The following LDLRAD3 variants were observed in gnomAD, a reference collection of about 807,000 sequenced individuals.
The protein encoded by LDLRAD3 is low-density lipoprotein receptor class A domain-containing protein 3.
LDLRAD3 carries 20 observed loss-of-function variants against 29.4 expected under a neutral mutation model. The observed-to-expected ratio is 0.68, with a 90% CI of 0.48 to 0.99. LDLRAD3 has a LOEUF of 0.99. Ranked by LOEUF, LDLRAD3 falls within the 50% of genes least tolerant of loss-of-function variation. The probability of loss-of-function intolerance (pLI) is 0.00; values close to 1 mark genes in which losing one functional copy is unlikely to be tolerated. For synonymous variants in LDLRAD3, 157 were observed against 192.7 expected (o/e 0.81, Z 1.53); for missense variants, 420 against 454.3 (o/e 0.92, Z 0.69).
intron 4 of LDLRAD3, among the ~76,000 whole-genome samples, chr11:36,136,585 C>T (rs529780267): frequency 5.2e-4 from 79 of 152,228 alleles, no homozygotes; most frequent in Non-Finnish European, 9.4e-4. Flanking sequence ...CATGCCTGCT[C>T]CTCCTTCACC....
intron 1 of LDLRAD3, among the ~76,000 whole-genome samples, chr11:35,995,165 A>G (rs1851738339): frequency 6.6e-6 from 1 of 152,238 alleles, no homozygotes; most frequent in African/African-American, 2.4e-5. Context: ...AATCAGTATC[A>G]ATGGCAGATA....
At chr11:36,054,980 TGG>T in intron 2 of LDLRAD3, among the ~76,000 whole-genome samples, 2 of 122,526 alleles carry the variant, frequency 1.6e-5, no homozygotes, top group Admixed American at 1.9e-4. Context: ...CATGGATGGA[TGG>T]ATGGATGGAT....
At chr11:36,193,166 C>T in intron 4 of LDLRAD3, among the ~76,000 whole-genome samples, 1 of 152,162 alleles carries the variant, frequency 6.6e-6, no homozygotes, top group East Asian at 1.9e-4. Flanking sequence ...GGGGGTAATG[C>T]TGCATCCTCG....
chr11:36,078,547 C>T (rs76414475), intron 2 of LDLRAD3, among the ~76,000 whole-genome samples: 24,047 of 152,184 alleles, frequency 0.16, 2,143 homozygotes, highest in East Asian at 0.35. Flanking sequence ...GTGCTGACAG[C>T]AGGGAGAGGC....
At chr11:35,975,937 C>T (rs1851469995) in intron 1 of LDLRAD3, among the ~76,000 whole-genome samples, 1 of 151,066 alleles carries the variant, frequency 6.6e-6, no homozygotes. Flanking sequence ...GTGAGTAGAG[C>T]ATTGTGTGCC....
At chr11:36,023,112 A>G (rs990218759) in intron 1 of LDLRAD3, among the ~76,000 whole-genome samples, 1 of 152,204 alleles carries the variant, frequency 6.6e-6, no homozygotes, top group African/African-American at 2.4e-5. Context: ...AAGAAAATTT[A>G]AAAAGACTCA....
At position 36,081,658 on chromosome 11, in the gene LDLRAD3, G is replaced by C. The variant is rs1294873680; in HGVS notation, c.199G>C (p.Ala67Pro). The C allele has an allele frequency of 6.2e-7, 1 of 1,614,222 alleles. No homozygotes were observed. Among genetic ancestry groups the C allele is most frequent in the African/African-American group, 1.3e-5 (1 of 75,054 alleles). The change falls in exon 3 of 6, where the codon GCT becomes CCT. Residue 67 changes from alanine to proline, a missense_variant. Around this residue, in one of 3 missense-constraint regions of LDLRAD3, gnomAD observed 224 missense variants for 222.2 expected, o/e 1.01. Coordinates refer to ENST00000315571, the MANE Select transcript of LDLRAD3 (RefSeq NM_174902.4). ...GTTTCTTTTTCTTCCTGCAGCCAAG[G>C]CTAAGTCGAAATGTGGCCCAACCTT... ...DKSDEKECPK[A>P]KSKCGPTFFP...
intron 1 of LDLRAD3, among the ~76,000 whole-genome samples, chr11:35,999,584 A>G (rs931265568): frequency 6.6e-6 from 1 of 152,102 alleles, no homozygotes; most frequent in Non-Finnish European, 1.5e-5. Context: ...TCCAGGCTTC[A>G]TGTCCACGAC....
At chr11:36,099,280 C>T (rs370450122) in intron 4 of LDLRAD3, among the ~76,000 whole-genome samples, 12 of 152,124 alleles carry the variant, frequency 7.9e-5, no homozygotes, top group Middle Eastern at 6.8e-3. Context: ...TAAAACTGAC[C>T]GGGTACATTT....
At chr11:35,989,269 G>A (rs1171396330) in intron 1 of LDLRAD3, among the ~76,000 whole-genome samples, 1 of 152,004 alleles carries the variant, frequency 6.6e-6, no homozygotes, top group Non-Finnish European at 1.5e-5. Context: ...GTTTTGGTTC[G>A]TGTAGCCCTA....
chr11:36,048,842 C>T (rs941947602), intron 2 of LDLRAD3, among the ~76,000 whole-genome samples: 1 of 152,194 alleles, frequency 6.6e-6, no homozygotes, highest in Non-Finnish European at 1.5e-5. Context: ...CCAATATTGT[C>T]ACCAGCTGAG....
chr11:36,064,511 G>A (rs1795514776), intron 2 of LDLRAD3, among the ~76,000 whole-genome samples: 1 of 146,472 alleles, frequency 6.8e-6, no homozygotes, highest in East Asian at 2.0e-4. Context: ...GTAGAGATGG[G>A]GTTTTGCCAT....
intron 4 of LDLRAD3, among the ~76,000 whole-genome samples, chr11:36,101,381 C>A (rs1853444422): frequency 1.3e-5 from 2 of 152,202 alleles, no homozygotes; most frequent in African/African-American, 4.8e-5. Context: ...GAAAAGACTT[C>A]TTGGTAGAGT....
intron 2 of LDLRAD3, among the ~76,000 whole-genome samples, chr11:36,077,285 A>G (rs1030073752): frequency 9.2e-5 from 14 of 152,162 alleles, no homozygotes; most frequent in Non-Finnish European, 4.4e-5. Flanking sequence ...CAATACATGT[A>G]TGTTTTCTTA....
intron 1 of LDLRAD3, among the ~76,000 whole-genome samples, chr11:35,958,682 A>G (rs1379693096): frequency 6.6e-6 from 1 of 151,804 alleles, no homozygotes; most frequent in East Asian, 1.9e-4. Flanking sequence ...TTTTCTTCCA[A>G]TTTCTTCAGT....
At chr11:35,957,421 T>C (rs1851216449) in intron 1 of LDLRAD3, among the ~76,000 whole-genome samples, 2 of 152,220 alleles carry the variant, frequency 1.3e-5, no homozygotes, top group African/African-American at 4.8e-5. Context: ...ATGTAGGAGA[T>C]GACATTACCT....
chr11:36,131,489 A>T (rs1042033743), intron 4 of LDLRAD3, among the ~76,000 whole-genome samples: 1 of 152,216 alleles, frequency 6.6e-6, no homozygotes, highest in African/African-American at 2.4e-5. Context: ...AGAATACATT[A>T]TACCAGAGTA....
chr11:35,946,142 A>G (rs1250345480), intron 1 of LDLRAD3, among the ~76,000 whole-genome samples: 1 of 152,220 alleles, frequency 6.6e-6, no homozygotes, highest in Non-Finnish European at 1.5e-5. Flanking sequence ...AATGTCAACT[A>G]GATGCTCCTG....
At chr11:35,949,611 C>T (rs752626365) in intron 1 of LDLRAD3, among the ~76,000 whole-genome samples, 4 of 152,194 alleles carry the variant, frequency 2.6e-5, no homozygotes, top group Non-Finnish European at 1.5e-5. Flanking sequence ...AAGTTTTCAT[C>T]GTACACTTTT....
Sources: gnomAD v4.1 joint callset for allele counts (sites outside exome capture counted in the v4.1 genomes callset) on GRCh38, gnomAD v4.1.1 for gene constraint, gnomAD v4.1.1 regional missense constraint, MANE v1.5 for transcripts, NCBI Gene and HGNC (gene_info 2026-07-23, HGNC 2026-07-21) for gene names.